RPH3A: variants seen among roughly 807,000 people sequenced by gnomAD.
RPH3A encodes rabphilin-3A.
In RPH3A, 48 loss-of-function variants were observed where a neutral mutation model predicts 102.2. That is an observed-to-expected ratio of 0.47 (90% confidence interval 0.37 to 0.60). RPH3A has a LOEUF of 0.60. Among genes scored for constraint, RPH3A ranks in the 20% least tolerant of loss-of-function variants. The pLI, the probability that RPH3A is intolerant of heterozygous loss-of-function variation, is 0.00. For synonymous variants in RPH3A, 310 were observed against 324.3 expected (o/e 0.96, Z 0.47); for missense variants, 781 against 910.1 (o/e 0.86, Z 1.83).
At chr12:112,576,909 C>CTTTTTT (rs3036138) in intron 1 of RPH3A, among the ~76,000 whole-genome samples, 11,266 of 114,286 alleles carry the variant, frequency 0.099, 1,127 homozygotes, top group South Asian at 0.35. Flanking sequence ...TCTTTTCTTC[C>CTTTTTT]TTTTTTTTTT....
chr12:112,703,959 ATCT>A (rs10578416), intron 1 of RPH3A, among the ~76,000 whole-genome samples: 32,195 of 152,018 alleles, frequency 0.21, 3,957 homozygotes, highest in South Asian at 0.36. Context: ...TTTAAATCTC[ATCT>A]TCTTCTCCTC....
chr12:112,860,825 A>G (rs1335878620), intron 5 of RPH3A, among the ~76,000 whole-genome samples: 1 of 152,208 alleles, frequency 6.6e-6, no homozygotes, highest in African/African-American at 2.4e-5. Context: ...TGACTAAGGC[A>G]GTTGATGAAG....
chr12:112,828,755 T>G (rs1393765150), intron 3 of RPH3A, among the ~76,000 whole-genome samples: 1 of 152,234 alleles, frequency 6.6e-6, no homozygotes, highest in Non-Finnish European at 1.5e-5. Flanking sequence ...ATAAGGAAGT[T>G]GCACTAGATC....
At chr12:112,870,818 C>G (rs987751690) in intron 10 of RPH3A, among the ~76,000 whole-genome samples, 1 of 152,206 alleles carries the variant, frequency 6.6e-6, no homozygotes, top group African/African-American at 2.4e-5. Context: ...AGACCTCCCC[C>G]CGACAATGAA....
intron 1 of RPH3A, among the ~76,000 whole-genome samples, chr12:112,644,604 T>TG (rs1334485382): frequency 2.0e-5 from 3 of 152,234 alleles, no homozygotes; most frequent in Non-Finnish European, 2.9e-5. Context: ...CTACAGTGGC[T>TG]GAGAAACATT....
At chr12:112,717,719 G>C (rs1041455213) in intron 1 of RPH3A, among the ~76,000 whole-genome samples, 13 of 147,272 alleles carry the variant, frequency 8.8e-5, no homozygotes, top group Non-Finnish European at 1.8e-4. Flanking sequence ...TGTGAATATA[G>C]GTTTTCATTT....
At chr12:112,712,999 C>CTCCTCT (rs2040482298) in intron 1 of RPH3A, among the ~76,000 whole-genome samples, 1 of 67,476 alleles carries the variant, frequency 1.5e-5, no homozygotes. Flanking sequence ...CTTTGTCTTC[C>CTCCTCT]TCTTCCTCTT....
intron 1 of RPH3A, among the ~76,000 whole-genome samples, chr12:112,726,923 T>G (rs946782546): frequency 6.6e-6 from 1 of 152,024 alleles, no homozygotes; most frequent in Admixed American, 6.6e-5. Context: ...CTTGGGAGGC[T>G]GAGGCAGGAG....
chr12:112,842,091 T>G, intron 4 of RPH3A: 1 of 453,804 alleles, frequency 2.2e-6, no homozygotes, highest in Non-Finnish European at 4.4e-6. Flanking sequence ...CATTGGGTTC[T>G]TCCCACCCCT....
chr12:112,691,926 A>G (rs759907836), intron 1 of RPH3A, among the ~76,000 whole-genome samples: 3 of 152,250 alleles, frequency 2.0e-5, no homozygotes, highest in Non-Finnish European at 4.4e-5. Context: ...CAATAGAAAT[A>G]GAATGTGACA....
intron 1 of RPH3A, among the ~76,000 whole-genome samples, chr12:112,612,839 G>A (rs997502894): frequency 1.3e-5 from 2 of 151,948 alleles, no homozygotes; most frequent in African/African-American, 4.8e-5. Context: ...GCTTCCCAAA[G>A]TGTTGGGATT....
At chr12:112,767,543 A>G (rs1351068673) in intron 1 of RPH3A, among the ~76,000 whole-genome samples, 1 of 152,154 alleles carries the variant, frequency 6.6e-6, no homozygotes, top group African/African-American at 2.4e-5. Context: ...TCTGGCTAGG[A>G]GCTTTAGTGA....
intron 2 of RPH3A, among the ~76,000 whole-genome samples, chr12:112,827,896 TA>T (rs1212781928): frequency 2.7e-3 from 202 of 73,882 alleles, no homozygotes; most frequent in African/African-American, 0.011. Flanking sequence ...TTAAGTATAA[TA>T]AAAAAAAAAG....
At chr12:112,876,891 A>ACC in intron 13 of RPH3A, 25 bp downstream of exon 13, 1 of 1,537,992 alleles carries the variant, frequency 6.5e-7, no homozygotes, top group Non-Finnish European at 8.8e-7. Context: ...AGGGAGAGGT[A>ACC]TCTTGGAAAA....
intron 1 of RPH3A, among the ~76,000 whole-genome samples, chr12:112,755,303 AC>A (rs1401105934): frequency 2.8e-4 from 6 of 21,708 alleles, no homozygotes; most frequent in African/African-American, 1.3e-3. Flanking sequence ...GTATATACAC[AC>A]ACACACACAC....
chr12:112,684,746 A>C (rs898106475), intron 1 of RPH3A, among the ~76,000 whole-genome samples: 3 of 151,860 alleles, frequency 2.0e-5, no homozygotes, highest in Non-Finnish European at 2.9e-5. Context: ...TATTTTTCCT[A>C]CTGGTGTCTC....
chr12:112,746,831 C>A (rs1294760268), intron 1 of RPH3A, among the ~76,000 whole-genome samples: 3 of 152,132 alleles, frequency 2.0e-5, no homozygotes, highest in Non-Finnish European at 2.9e-5. Flanking sequence ...GTCTCAGTCT[C>A]TCTCTGTCTC....
In RPH3A at chr12:112,678,318, A is replaced by AGAGAGAGAGAGAGAGAGAGAGAG. The variant is rs1566255385; in HGVS notation, c.-140+102999_-140+103000insGAGAGAGAGAGAGAGAGAGAGAG. Among the ~76,000 whole-genome samples, 26 of 122,546 alleles carry AGAGAGAGAGAGAGAGAGAGAGAG rather than the reference A, an allele frequency of 2.1e-4. 3 individuals carry two copies. The highest frequency in any genetic ancestry group is 3.9e-4 in the Admixed American group (5 of 12,830). The allele number at this position is 122,546 out of a possible 152,430, so 80.4% of individuals were successfully genotyped here. On this transcript the variant is annotated intron_variant, in intron 1 of 21. Transcript: ENST00000543106. ...GAAAGAAAGAAAGAGAGAGAGAGAG[A>AGAGAGAGAGAGAGAGAGAGAGAG]AAGAAAGAAAGAAGGAAGGAAGGAA...
chr12:112,883,748 A>G (rs1417092580), intron 16 of RPH3A, among the ~76,000 whole-genome samples: 2 of 152,332 alleles, frequency 1.3e-5, no homozygotes, highest in South Asian at 2.1e-4. Flanking sequence ...TCATTAGTAC[A>G]TCTGTATCAC....
Sources: allele counts gnomAD v4.1 joint callset (sites outside exome capture counted in the v4.1 genomes callset), GRCh38; gene constraint gnomAD v4.1.1; transcripts MANE v1.5; gene names NCBI Gene and HGNC (gene_info 2026-07-23, HGNC 2026-07-21).